Variants in DYRK1A observed in about 807,000 individuals in gnomAD.
DYRK1A encodes dual specificity tyrosine-phosphorylation-regulated kinase 1A.
In DYRK1A, 9 loss-of-function variants were observed where a neutral mutation model predicts 79.7. The observed-to-expected ratio is 0.11, with a 90% confidence interval of 0.07 to 0.20. The LOEUF is 0.20. Ranked by LOEUF, DYRK1A falls within the 10% of genes least tolerant of loss-of-function variation. The pLI, the probability that DYRK1A is intolerant of heterozygous loss-of-function variation, is 1.00. For synonymous variants in DYRK1A, 349 were observed against 329.7 expected, an observed-to-expected ratio of 1.06 and a Z score of -0.63; for missense variants, 622 against 956.0, an observed-to-expected ratio of 0.65 and a Z score of 4.61.
chr21:37,434,792 A>G (rs771819467), intron 2 of DYRK1A, among the ~76,000 whole-genome samples: 1 of 152,252 alleles, frequency 6.6e-6, no homozygotes, highest in African/African-American at 2.4e-5. Flanking sequence ...GACTTCAGTG[A>G]GCCACGCTTT....
chr21:37,377,524 A>G (rs1412237581), intron 1 of DYRK1A, among the ~76,000 whole-genome samples: 4 of 152,176 alleles, frequency 2.6e-5, no homozygotes, highest in Admixed American at 6.5e-5. Context: ...GCTGAAGTGC[A>G]GTGGCATGAT....
upstream of DYRK1A, among the ~76,000 whole-genome samples, chr21:37,366,527 C>G (rs2049308368): frequency 6.6e-6 from 1 of 151,438 alleles, no homozygotes; most frequent in Non-Finnish European, 1.5e-5. Context: ...CTCCTCTCCC[C>G]TCCCCCGGGC....
At chr21:37,410,845 C>T (rs2050228798) in intron 1 of DYRK1A, among the ~76,000 whole-genome samples, 1 of 151,930 alleles carries the variant, frequency 6.6e-6, no homozygotes, top group African/African-American at 2.4e-5. Context: ...GACAAGAGTT[C>T]GGGACCAACC....
chr21:37,498,114 T>A lies in DYRK1A; in HGVS notation c.1212+1856T>A, dbSNP rs1601295260. ...TTACTGATTTTATTTTTACTTTTAA[T>A]TTTTCATTTTACATTTCAAAAGCCC... On this transcript the variant is annotated intron_variant, in intron 9 of 11. Transcript: ENST00000647188. 2.0e-5 allele frequency among the ~76,000 whole-genome samples: 3 copies of A among 152,332 alleles called. No homozygotes were observed. The South Asian group carries it at 6.2e-4, about 32-fold the overall frequency.
chr21:37,423,605 T>C (rs2050535902), intron 2 of DYRK1A, among the ~76,000 whole-genome samples: 1 of 152,160 alleles, frequency 6.6e-6, no homozygotes, highest in Non-Finnish European at 1.5e-5. Flanking sequence ...GATTTATACC[T>C]ATTAATAACA....
intron 1 of DYRK1A, among the ~76,000 whole-genome samples, chr21:37,413,655 C>T (rs1012701838): frequency 5.3e-5 from 8 of 152,122 alleles, no homozygotes; most frequent in African/African-American, 1.7e-4. Flanking sequence ...GTGAGGGAAA[C>T]GTTACAATAG....
chr21:37,499,882 C>T (rs765392956), intron 9 of DYRK1A, among the ~76,000 whole-genome samples: 3 of 152,174 alleles, frequency 2.0e-5, no homozygotes, highest in Non-Finnish European at 4.4e-5. Context: ...AGTCAGCCCT[C>T]TGTATCTGAA....
chr21:37,444,004 G>A (rs1030130411), intron 2 of DYRK1A, among the ~76,000 whole-genome samples: 2 of 152,152 alleles, frequency 1.3e-5, no homozygotes, highest in African/African-American at 4.8e-5. Context: ...GTTGCCCCTG[G>A]AATGTTTCCT....
At chr21:37,406,351 T>C (rs2050145452) in intron 1 of DYRK1A, among the ~76,000 whole-genome samples, 1 of 152,188 alleles carries the variant, frequency 6.6e-6, no homozygotes, top group Non-Finnish European at 1.5e-5. Context: ...TTCCCTTTTC[T>C]TCAGCTAGAG....
At chr21:37,366,268 TCCCCCGCCCGGGGCAGCCCGCCCCTC>T (rs1269155147), upstream of DYRK1A, 6 of 139,934 alleles carry the variant, frequency 4.3e-5, no homozygotes, top group African/African-American at 1.3e-4. Flanking sequence ...CTCCTCCCCC[TCCCCCGCCCGGGGCAGCCCGCCCCTC>T]CCCCCGGCGC....
intron 2 of DYRK1A, among the ~76,000 whole-genome samples, chr21:37,453,946 T>C (rs2051544675): frequency 6.6e-6 from 1 of 152,164 alleles, no homozygotes; most frequent in South Asian, 2.1e-4. Context: ...TTTAGCATTA[T>C]TATATTTGGA....
intron 1 of DYRK1A, among the ~76,000 whole-genome samples, chr21:37,395,001 G>T (rs1302103463): frequency 6.6e-6 from 1 of 152,186 alleles, no homozygotes; most frequent in African/African-American, 2.4e-5. Flanking sequence ...AGAAGAGAGG[G>T]ATCTCAGATT....
chr21:37,368,963 G>A (rs1376248160), intron 1 of DYRK1A, among the ~76,000 whole-genome samples: 1 of 151,960 alleles, frequency 6.6e-6, no homozygotes, highest in African/African-American at 2.4e-5. Context: ...AACTTTTCAG[G>A]CCTTTCCCCC....
At chr21:37,374,224 A>G (rs994753976) in intron 1 of DYRK1A, among the ~76,000 whole-genome samples, 9 of 151,878 alleles carry the variant, frequency 5.9e-5, no homozygotes, top group African/African-American at 2.2e-4. Context: ...CTTCTTGCTC[A>G]TACCCTCAGC....
chr21:37,467,095 G>C (rs2052050680), intron 2 of DYRK1A, among the ~76,000 whole-genome samples: 1 of 122,900 alleles, frequency 8.1e-6, no homozygotes, highest in Non-Finnish European at 1.6e-5. Flanking sequence ...AAGTCTTTGG[G>C]ATTTACAAAA....
chr21:37,496,015 A>G, intron 8 of DYRK1A, 103 bp from the exon 9 acceptor site: 2 of 1,123,336 alleles, frequency 1.8e-6, no homozygotes, highest in South Asian at 3.1e-5. Context: ...GGAGTGCCAG[A>G]CACACAGGAG....
chr21:37,472,267 G>T (rs1472321447), intron 2 of DYRK1A, among the ~76,000 whole-genome samples: 1 of 152,216 alleles, frequency 6.6e-6, no homozygotes, highest in Non-Finnish European at 1.5e-5. Flanking sequence ...CGTAAACCTG[G>T]CAGCAGGTGC....
intron 2 of DYRK1A, among the ~76,000 whole-genome samples, chr21:37,443,420 C>T (rs1470633503): frequency 1.3e-5 from 2 of 152,102 alleles, no homozygotes; most frequent in Non-Finnish European, 1.5e-5. Context: ...TGCTTTTGTG[C>T]GTACCTGGAC....
At chr21:37,444,557 A>C (rs1402461368) in intron 2 of DYRK1A, among the ~76,000 whole-genome samples, 1 of 152,182 alleles carries the variant, frequency 6.6e-6, no homozygotes, top group African/African-American at 2.4e-5. Flanking sequence ...GTCATGAGGT[A>C]AGAACAGAAA....
Sources: allele counts gnomAD v4.1 joint callset (sites outside exome capture counted in the v4.1 genomes callset), GRCh38; gene constraint gnomAD v4.1.1; transcripts MANE v1.5; gene names NCBI Gene and HGNC (gene_info 2026-07-23, HGNC 2026-07-21).